The following KIAA1671 variants were observed in gnomAD, a reference collection of about 807,000 sequenced individuals.
The protein encoded by KIAA1671 is KIAA1671.
A neutral mutation model predicts 131.2 loss-of-function variants in KIAA1671; 52 were observed. That is an observed-to-expected ratio of 0.40 (90% CI 0.32 to 0.50). The LOEUF is 0.50. Ranked by LOEUF, KIAA1671 falls within the 20% of genes least tolerant of loss-of-function variation. The pLI, the probability that KIAA1671 is intolerant of heterozygous loss-of-function variation, is 0.73. For synonymous variants in KIAA1671, 1,003 were observed against 961.6 expected (o/e 1.04, Z -0.80); for missense variants, 2,360 against 2,364.2 (o/e 1.00, Z 0.04).
chr22:24,976,126 G>A (rs1009212049), intron 1 of KIAA1671, among the ~76,000 whole-genome samples: 4 of 152,182 alleles, frequency 2.6e-5, no homozygotes, highest in Admixed American at 1.3e-4. Context: ...GACTGCAGGC[G>A]CTTGGCCCTG....
intron 9 of KIAA1671, 101 bp downstream of exon 9, chr22:25,177,623 C>G (rs1315508716): frequency 4.1e-6 from 4 of 969,692 alleles, no homozygotes; most frequent in Non-Finnish European, 6.0e-6. Context: ...GGCTGTAGAT[C>G]ATTAGAACAC....
chr22:25,181,788 C>T lies in KIAA1671; in HGVS notation c.5164C>T (p.Pro1722Ser). The T allele has an allele frequency of 6.4e-7, 1 of 1,551,388 alleles. No individual in the cohort carries two copies. The highest frequency in any genetic ancestry group is 2.4e-5 in the East Asian group (1 of 40,906). ...CCCTGTCAGCCATCCTCAGAGGATG[C>T]CTGCGTTTCCAGGCATGGATCCGGC... ...RTPVSHPQRM[P>S]AFPGMDPAVL... The change falls in exon 10 of 13, where the codon CCT (proline) becomes TCT (serine). Residue 1722 changes from proline (P) to serine (S), a missense_variant. Coordinates refer to ENST00000358431, the MANE Select transcript of KIAA1671 (RefSeq NM_001145206.2).
intron 6 of KIAA1671, among the ~76,000 whole-genome samples, chr22:25,119,584 A>C (rs6004442): frequency 1.3e-5 from 2 of 152,208 alleles, no homozygotes; most frequent in Non-Finnish European, 2.9e-5. Flanking sequence ...AAACCAATGA[A>C]TGAACAAAGA....
At chr22:25,007,577 C>G (rs184849247) in intron 1 of KIAA1671, among the ~76,000 whole-genome samples, 2 of 152,040 alleles carry the variant, frequency 1.3e-5, no homozygotes, top group Admixed American at 1.3e-4. Flanking sequence ...CTGGACCACA[C>G]TGAAGACTAG....
chr22:24,978,275 G>C (rs1923018584), intron 1 of KIAA1671, among the ~76,000 whole-genome samples: 1 of 152,108 alleles, frequency 6.6e-6, no homozygotes, highest in African/African-American at 2.4e-5. Flanking sequence ...AGATCTGATG[G>C]TTTTATCAGG....
intron 6 of KIAA1671, among the ~76,000 whole-genome samples, chr22:25,146,710 G>A (rs1431981503): frequency 6.6e-6 from 1 of 152,180 alleles, no homozygotes; most frequent in African/African-American, 2.4e-5. Flanking sequence ...CCTCCAATGG[G>A]AGCAAAATAT....
intron 6 of KIAA1671, chr22:25,055,825 T>G (rs199639772): frequency 7.1e-6 from 1 of 141,642 alleles, no homozygotes; most frequent in African/African-American, 2.6e-5. Context: ...GATATAGATA[T>G]AGATAGATAT....
At chr22:25,032,811 C>T (rs1926364688) in intron 4 of KIAA1671, 115 bp downstream of exon 4, 7 of 539,036 alleles carry the variant, frequency 1.3e-5, no homozygotes, top group Non-Finnish European at 3.3e-6. Context: ...ATGTCATGCA[C>T]ACGATAAAAC....
At chr22:25,032,037 G>C (rs1926323337) in intron 3 of KIAA1671, among the ~76,000 whole-genome samples, 1 of 152,156 alleles carries the variant, frequency 6.6e-6, no homozygotes, top group South Asian at 2.1e-4. Flanking sequence ...CCCTTTTTGA[G>C]GTGGGGAAAA....
At chr22:25,017,362 G>A (rs1050653398) in intron 1 of KIAA1671, among the ~76,000 whole-genome samples, 24 of 152,106 alleles carry the variant, frequency 1.6e-4, no homozygotes, top group African/African-American at 5.3e-4. Context: ...CAGCCTGGGC[G>A]ACAGAGCAAG....
intron 1 of KIAA1671, among the ~76,000 whole-genome samples, chr22:25,019,483 A>G (rs1925540722): frequency 6.6e-6 from 1 of 152,180 alleles, no homozygotes; most frequent in Non-Finnish European, 1.5e-5. Context: ...ATGGAAAGAC[A>G]GCTCAGAGGA....
Position 25,049,937 on chromosome 22 carries a change from G to A in KIAA1671, c.4530+573G>A, listed in dbSNP as rs62233179. 1,080 of 152,526 alleles carry A rather than the reference G, an allele frequency of 7.1e-3. 5 individuals carry two copies. Among genetic ancestry groups the A allele is most frequent in the South Asian group, 0.026 (125 of 4,824 alleles). 9.4% of individuals were successfully genotyped at this position (152,526 alleles called of 1,614,324 possible). ...TACATTCACGTGTGACCTTGGGCTG[G>A]CCTCTGGCTTCAGTTTCCTCATCTG... On this transcript the variant is annotated intron_variant, in intron 6 of 12. Coordinates refer to ENST00000358431, the MANE Select transcript of KIAA1671 (RefSeq NM_001145206.2).
In KIAA1671 at chr22:24,955,664, G is replaced by A. The variant is rs143525267; in HGVS notation, c.-208+2892G>A. Among the ~76,000 whole-genome samples, 152 of 152,292 alleles carry A rather than the reference G, an allele frequency of 1.0e-3. 3 individuals are homozygous for A. The East Asian group carries it at 0.026, about 27-fold the overall frequency. The stretch of plus-strand genomic sequence containing the variant: ...TTTTGGGAAGCTTGCCCTGGCTGGT[G>A]TGGGGAGGCTGGATGATCGGAGGGT... On this transcript the variant is annotated intron_variant, in intron 1 of 12. Coordinates refer to ENST00000358431, the MANE Select transcript of KIAA1671 (RefSeq NM_001145206.2).
chr22:25,089,036 A>G (rs1601299866), intron 6 of KIAA1671, among the ~76,000 whole-genome samples: 1 of 152,290 alleles, frequency 6.6e-6, no homozygotes, highest in East Asian at 1.9e-4. Context: ...TTTTCTTGGC[A>G]TTATTCCCTA....
intron 6 of KIAA1671, among the ~76,000 whole-genome samples, chr22:25,077,716 T>A (rs1447515336): frequency 6.6e-6 from 1 of 152,186 alleles, no homozygotes; most frequent in Admixed American, 6.5e-5. Flanking sequence ...AGATGGGAAA[T>A]CACTGTGGTT....
chr22:25,075,370 C>T (rs1929047542), intron 6 of KIAA1671, among the ~76,000 whole-genome samples: 3 of 152,172 alleles, frequency 2.0e-5, no homozygotes, highest in African/African-American at 2.4e-5. Flanking sequence ...TCTACTTTCA[C>T]CAGTTTTGTC....
chr22:25,131,163 T>G (rs1215919298), intron 6 of KIAA1671, among the ~76,000 whole-genome samples: 1 of 152,142 alleles, frequency 6.6e-6, no homozygotes, highest in African/African-American at 2.4e-5. Flanking sequence ...GCATTTCGTA[T>G]GGTGATTTCC....
At chr22:25,088,111 CT>C (rs796690642) in intron 6 of KIAA1671, among the ~76,000 whole-genome samples, 348 of 110,350 alleles carry the variant, frequency 3.2e-3, no homozygotes, top group Middle Eastern at 4.8e-3. Flanking sequence ...TTCTTTCTTT[CT>C]TTTTTTTTTT....
At chr22:25,018,212 T>A (rs1351741869) in intron 1 of KIAA1671, among the ~76,000 whole-genome samples, 1 of 152,064 alleles carries the variant, frequency 6.6e-6, no homozygotes, top group African/African-American at 2.4e-5. Flanking sequence ...GTGTCACCAC[T>A]GTGATTAGGA....
Sources: allele counts gnomAD v4.1 joint callset (sites outside exome capture counted in the v4.1 genomes callset), GRCh38; gene constraint gnomAD v4.1.1; transcripts MANE v1.5; gene names NCBI Gene and HGNC (gene_info 2026-07-23, HGNC 2026-07-21).